CDH13: variants seen among roughly 807,000 people sequenced by gnomAD.
The protein encoded by CDH13 is cadherin 13, also known as cadherin-13.
Under a neutral mutation model 63.8 loss-of-function variants are expected in CDH13, and 24 were observed. The observed-to-expected ratio is 0.38, with a 90% confidence interval of 0.27 to 0.53. The LOEUF is 0.53. Ranked by LOEUF, CDH13 falls within the 20% of genes least tolerant of loss-of-function variation. CDH13 has a pLI of 0.85. For missense variants in CDH13, 1,049 were observed against 903.1 expected (o/e 1.16, Z -2.07); for synonymous variants, 503 against 355.3 (o/e 1.42, Z -4.67).
chr16:83,302,231 C>G (rs1267892531), intron 5 of CDH13, among the ~76,000 whole-genome samples: 1 of 152,140 alleles, frequency 6.6e-6, no homozygotes, highest in African/African-American at 2.4e-5. Context: ...TAATTTTAAG[C>G]CCCGCTTTTA....
chr16:82,915,461 A>T (rs1029998591), intron 2 of CDH13, among the ~76,000 whole-genome samples: 3 of 152,196 alleles, frequency 2.0e-5, no homozygotes, highest in Non-Finnish European at 4.4e-5. Context: ...AAGACGCCAG[A>T]GTGCTTTACA....
rs113866441 is a variant in CDH13 at position 83,606,373 on chromosome 16, T to C, written c.1101+3779T>C. Among the ~76,000 whole-genome samples, 475 of 152,256 alleles carry C rather than the reference T, an allele frequency of 3.1e-3. 1 individual carries two copies. The highest frequency in any genetic ancestry group is 0.01 in the African/African-American group (432 of 41,548). Reference sequence around the variant, plus strand: ...AATCTATATAAAAGAGGAGTTATGATTGATCACAAATAATAGAGACTAGAA... The same window carrying C: ...AATCTATATAAAAGAGGAGTTATGACTGATCACAAATAATAGAGACTAGAA... On this transcript the variant is annotated intron_variant, in intron 8 of 13. Coordinates refer to ENST00000567109, the MANE Select transcript of CDH13 (RefSeq NM_001257.5).
In CDH13 at chr16:82,687,421, G is replaced by A. The variant is rs142454404; in HGVS notation, c.45+60284G>A. On this transcript the variant is annotated intron_variant, in intron 1 of 13. Coordinates refer to ENST00000567109, the MANE Select transcript of CDH13 (RefSeq NM_001257.5). ...ATAAAGACATACCTGAGGCAGGGTA[G>A]TTAATAAAGGCAAGTGGTTTAATGG... Among the ~76,000 whole-genome samples, 347 of 152,282 alleles carry A rather than the reference G, an allele frequency of 2.3e-3. 2 individuals carry two copies. The highest frequency in any genetic ancestry group is 7.8e-3 in the African/African-American group (325 of 41,554).
At chr16:83,008,747 T>C (rs920592435) in intron 2 of CDH13, among the ~76,000 whole-genome samples, 3 of 152,170 alleles carry the variant, frequency 2.0e-5, no homozygotes, top group Non-Finnish European at 4.4e-5. Flanking sequence ...CCTTCCTCTC[T>C]TTCTCCCTCC....
chr16:83,572,184 G>GTGTGTGTC (rs1358783711), intron 7 of CDH13, among the ~76,000 whole-genome samples: 1 of 67,108 alleles, frequency 1.5e-5, no homozygotes, highest in Non-Finnish European at 3.2e-5. Flanking sequence ...TGGTGTGTGT[G>GTGTGTGTC]TGTGTGTGTG....
At chr16:83,126,654 A>G (rs2035824496) in intron 4 of CDH13, among the ~76,000 whole-genome samples, 1 of 152,216 alleles carries the variant, frequency 6.6e-6, no homozygotes, top group South Asian at 2.1e-4. Context: ...GAGAACAAAG[A>G]ACAAGGGAGT....
chr16:83,321,304 C>T (rs924908354), intron 5 of CDH13, among the ~76,000 whole-genome samples: 1 of 152,116 alleles, frequency 6.6e-6, no homozygotes, highest in Non-Finnish European at 1.5e-5. Context: ...ACAGAAAGCT[C>T]GTGGCAATGT....
rs961826324 is a variant in CDH13 at position 83,725,315 on chromosome 16, C to T, written c.1539-22793C>T. 2.0e-5 allele frequency among the ~76,000 whole-genome samples: 3 copies of T among 152,176 alleles called. No homozygotes were observed. The South Asian group carries it at 6.2e-4, about 32-fold the overall frequency. ...AGGACTGCAACGGGTCTTGTGTATC[C>T]TGTGGATCTAATCTATCCTTAGGCG... On this transcript the variant is annotated intron_variant, in intron 10 of 13. Coordinates refer to ENST00000567109, the MANE Select transcript of CDH13 (RefSeq NM_001257.5).
At chr16:83,310,387 A>T (rs1331363705) in intron 5 of CDH13, among the ~76,000 whole-genome samples, 1 of 152,202 alleles carries the variant, frequency 6.6e-6, no homozygotes, top group Non-Finnish European at 1.5e-5. Context: ...AGATCTGAAA[A>T]TTCTGTGTGT....
At chr16:83,352,651 G>A (rs1388392773) in intron 6 of CDH13, among the ~76,000 whole-genome samples, 1 of 152,204 alleles carries the variant, frequency 6.6e-6, no homozygotes, top group African/African-American at 2.4e-5. Flanking sequence ...AGCACTTAGG[G>A]AGGGTGAGGC....
rs181912728 is a variant in CDH13, at chr16:83,505,304, C to G, written c.960+18649C>G. Among the ~76,000 whole-genome samples the G allele has an allele frequency of 3.6e-4, 55 of 152,314 alleles. No individual in the cohort carries two copies. The East Asian group carries it at 9.1e-3, about 25-fold the overall frequency. Reference sequence around the variant, plus strand: ...TACAACGAAGGATAATTCAATCTATCCTCACCTTAGTGTACGCTGGACAAC... The same window carrying G: ...TACAACGAAGGATAATTCAATCTATGCTCACCTTAGTGTACGCTGGACAAC... On this transcript the variant is annotated intron_variant, in intron 7 of 13. Transcript: ENST00000567109.
intron 1 of CDH13, among the ~76,000 whole-genome samples, chr16:82,693,977 C>A (rs1000831791): frequency 6.6e-6 from 1 of 152,166 alleles, no homozygotes; most frequent in Non-Finnish European, 1.5e-5. Flanking sequence ...TTATTTGCTG[C>A]GTACATGGTC....
intron 1 of CDH13, among the ~76,000 whole-genome samples, chr16:82,660,316 T>C (rs79932393): frequency 0.016 from 2,410 of 152,180 alleles, 25 homozygotes; most frequent in Middle Eastern, 0.027. Context: ...AATTGGGTCT[T>C]AAAAGTGAGT....
intron 5 of CDH13, among the ~76,000 whole-genome samples, chr16:83,299,960 G>T (rs2089693291): frequency 6.6e-6 from 1 of 152,194 alleles, no homozygotes; most frequent in Non-Finnish European, 1.5e-5. Flanking sequence ...CTACCTGCAA[G>T]CTCACTTGAT....
chr16:83,395,620 G>T (rs1310021956), intron 6 of CDH13, among the ~76,000 whole-genome samples: 4 of 152,106 alleles, frequency 2.6e-5, no homozygotes, highest in Non-Finnish European at 5.9e-5. Flanking sequence ...CTTCAGCCTG[G>T]TCATTGCTCA....
At chr16:83,773,248 A>C (rs460086) in intron 11 of CDH13, among the ~76,000 whole-genome samples, 23,854 of 152,232 alleles carry the variant, frequency 0.16, 2,702 homozygotes, top group East Asian at 0.5. Flanking sequence ...TACAATTGCA[A>C]GTTTCTAAAG....
At chr16:83,231,630 T>C (rs1404432870) in intron 5 of CDH13, among the ~76,000 whole-genome samples, 1 of 152,164 alleles carries the variant, frequency 6.6e-6, no homozygotes, top group Non-Finnish European at 1.5e-5. Context: ...CACCCACTCA[T>C]TGCATATTGT....
At chr16:82,811,610 A>C (rs1466680836) in intron 1 of CDH13, among the ~76,000 whole-genome samples, 1 of 152,176 alleles carries the variant, frequency 6.6e-6, no homozygotes, top group African/African-American at 2.4e-5. Flanking sequence ...GAGCCTCTGA[A>C]CTACAGTGTC....
At chr16:83,392,961 CA>C (rs2091817088) in intron 6 of CDH13, among the ~76,000 whole-genome samples, 1 of 151,656 alleles carries the variant, frequency 6.6e-6, no homozygotes, top group Non-Finnish European at 1.5e-5. Flanking sequence ...GGGAGAGGCC[CA>C]GGGGAGGGCA....
Sources: allele counts gnomAD v4.1 joint callset (sites outside exome capture counted in the v4.1 genomes callset), GRCh38; gene constraint gnomAD v4.1.1; transcripts MANE v1.5; gene names NCBI Gene and HGNC (gene_info 2026-07-23, HGNC 2026-07-21).